SMCHD1: variants seen among roughly 807,000 people sequenced by gnomAD.
The protein encoded by SMCHD1 is structural maintenance of chromosomes flexible hinge domain-containing protein 1.
SMCHD1 carries 78 observed loss-of-function variants against 254.7 expected under a neutral mutation model. That is an observed-to-expected ratio of 0.31 (90% CI 0.26 to 0.37). SMCHD1 has a LOEUF of 0.37. Ranked by LOEUF, SMCHD1 falls within the 10% of genes least tolerant of loss-of-function variation. SMCHD1 has a pLI of 1.00. For synonymous variants in SMCHD1, 766 were observed against 794.9 expected, an observed-to-expected ratio of 0.96 and a Z score of 0.61; for missense variants, 1,840 against 2,408.1, an observed-to-expected ratio of 0.76 and a Z score of 4.94.
intron 5 of SMCHD1, among the ~76,000 whole-genome samples, chr18:2,675,574 A>G (rs2073727837): frequency 6.6e-6 from 1 of 152,124 alleles, no homozygotes; most frequent in African/African-American, 2.4e-5. Context: ...AGATTTCTCC[A>G]CAACCATTCT....
intron 34 of SMCHD1, among the ~76,000 whole-genome samples, chr18:2,753,622 A>G (rs1479210611): frequency 6.6e-6 from 1 of 152,106 alleles, no homozygotes; most frequent in Non-Finnish European, 1.5e-5. Flanking sequence ...GCTCACTGCA[A>G]CCTCTGCTTC....
intron 44 of SMCHD1, among the ~76,000 whole-genome samples, chr18:2,780,345 T>C (rs1055646423): frequency 1.3e-5 from 2 of 151,478 alleles, no homozygotes; most frequent in African/African-American, 4.9e-5. Context: ...TGGAAAATGG[T>C]ATTTGGCATC....
At chr18:2,753,839 G>A (rs777814245) in intron 34 of SMCHD1, among the ~76,000 whole-genome samples, 2 of 152,092 alleles carry the variant, frequency 1.3e-5, no homozygotes, top group Non-Finnish European at 2.9e-5. Flanking sequence ...TTACAAGCAT[G>A]AGCCACCGTG....
At chr18:2,680,156 G>T (rs1259013489) in intron 5 of SMCHD1, among the ~76,000 whole-genome samples, 1 of 152,040 alleles carries the variant, frequency 6.6e-6, no homozygotes, top group Non-Finnish European at 1.5e-5. Context: ...ATTTAAAATA[G>T]CCGAGCTTCT....
chr18:2,759,542 T>G (rs1481217320), intron 34 of SMCHD1, among the ~76,000 whole-genome samples: 1 of 122,640 alleles, frequency 8.2e-6, no homozygotes, highest in Non-Finnish European at 1.6e-5. Context: ...GGCCTGCCAT[T>G]TGGAAGCAGA....
chr18:2,693,798 C>T (rs1362204211), intron 7 of SMCHD1, among the ~76,000 whole-genome samples: 1 of 152,020 alleles, frequency 6.6e-6, no homozygotes, highest in Non-Finnish European at 1.5e-5. Context: ...CGCCTGGCTA[C>T]TTTTGTATTT....
intron 10 of SMCHD1, among the ~76,000 whole-genome samples, 187 bp from the exon 11 acceptor site, chr18:2,700,352 T>A (rs919789687): frequency 1.3e-5 from 2 of 152,208 alleles, no homozygotes; most frequent in African/African-American, 4.8e-5. Flanking sequence ...TAAGTAATTA[T>A]TGACTTCTAA....
At chr18:2,675,047 C>A (rs573254516) in intron 5 of SMCHD1, among the ~76,000 whole-genome samples, 1 of 152,302 alleles carries the variant, frequency 6.6e-6, no homozygotes, top group East Asian at 1.9e-4. Flanking sequence ...TTGCCACTTA[C>A]TAATCGTGTG....
intron 1 of SMCHD1, among the ~76,000 whole-genome samples, chr18:2,657,834 A>G (rs1214022537): frequency 6.6e-6 from 1 of 152,184 alleles, no homozygotes; most frequent in Non-Finnish European, 1.5e-5. Flanking sequence ...TTTGATTTTA[A>G]GTAATGCTGT....
intron 5 of SMCHD1, among the ~76,000 whole-genome samples, chr18:2,678,255 C>CTTTCGTTCTT (rs61681896): frequency 2.0e-4 from 24 of 119,470 alleles, no homozygotes; most frequent in South Asian, 1.6e-3. Flanking sequence ...TTCTTTCTTT[C>CTTTCGTTCTT]TCTCTCTCTC....
intron 44 of SMCHD1, among the ~76,000 whole-genome samples, chr18:2,782,099 A>C (rs1598440524): frequency 6.6e-6 from 1 of 152,236 alleles, no homozygotes; most frequent in East Asian, 1.9e-4. Context: ...CAGGTTTCTA[A>C]ATGAAGTCAT....
intron 42 of SMCHD1, 136 bp from the exon 43 acceptor site, chr18:2,777,670 G>A: frequency 1.9e-6 from 1 of 530,026 alleles, no homozygotes. Flanking sequence ...TCATTTAGAA[G>A]TATCACTTGT....
intron 5 of SMCHD1, among the ~76,000 whole-genome samples, chr18:2,678,281 C>CCCTT (rs2073815718): frequency 1.1e-5 from 1 of 95,134 alleles, no homozygotes; most frequent in African/African-American, 3.5e-5. Flanking sequence ...CTCCCTCTCT[C>CCCTT]TCTTTCTTTC....
intron 30 of SMCHD1, among the ~76,000 whole-genome samples, chr18:2,749,059 A>G (rs1396905009): frequency 3.9e-5 from 6 of 152,232 alleles, no homozygotes; most frequent in South Asian, 2.1e-4. Flanking sequence ...AAATGAGGCT[A>G]TGATACTGCT....
intron 21 of SMCHD1, among the ~76,000 whole-genome samples, chr18:2,725,599 G>GT (rs1431613494): frequency 2.0e-5 from 3 of 151,250 alleles, no homozygotes; most frequent in Non-Finnish European, 4.4e-5. Flanking sequence ...ACTGTAGCAA[G>GT]TTTTTTTTCA....
In SMCHD1 at chr18:2,772,228, A is replaced by T. The variant is rs751563847; in HGVS notation, c.5053-22A>T. ...TTCAAGAGTAATTGGTCTTGTAGTTAATTTTTCTTTATAAATTATAGGTGC... is the reference window on the plus strand; with the variant it reads ...TTCAAGAGTAATTGGTCTTGTAGTTTATTTTTCTTTATAAATTATAGGTGC... On this transcript the variant is annotated intron_variant, in intron 40 of 47. Coordinates refer to ENST00000320876, the MANE Select transcript of SMCHD1 (RefSeq NM_015295.3). 5.8e-6 allele frequency: 9 copies of T among 1,540,764 alleles called. No homozygotes were observed. The South Asian group carries it at 1.1e-4, about 19-fold the overall frequency.
At chr18:2,679,411 G>T (rs2073870154) in intron 5 of SMCHD1, among the ~76,000 whole-genome samples, 1 of 144,240 alleles carries the variant, frequency 6.9e-6, no homozygotes, top group Admixed American at 7.1e-5. Context: ...GGGATGCGGA[G>T]CTTGCAGTGA....
At chr18:2,728,276 A>T in intron 22 of SMCHD1, 181 bp from the exon 23 acceptor site, 1 of 575,184 alleles carries the variant, frequency 1.7e-6, no homozygotes. Flanking sequence ...AAGTCTTGTC[A>T]TGTATTGAAT....
Position 2,802,508 on chromosome 18 carries a change from T to G in SMCHD1, c.5994-20T>G. On this transcript the variant is annotated intron_variant, in intron 47 of 47. Transcript: ENST00000320876. ...AAACCTTTGGTACATAAAACTTTTT[T>G]TTCTTTCCCCTTTGACCAGGATTAT... 4 of 1,545,214 alleles carry G rather than the reference T, an allele frequency of 2.6e-6. No homozygotes were observed. The highest frequency in any genetic ancestry group is 3.5e-6 in the Non-Finnish European group (4 of 1,143,892).
Sources: allele counts gnomAD v4.1 joint callset (sites outside exome capture counted in the v4.1 genomes callset), GRCh38; gene constraint gnomAD v4.1.1; transcripts MANE v1.5; gene names NCBI Gene and HGNC (gene_info 2026-07-23, HGNC 2026-07-21).